PRKN: variants seen among roughly 807,000 people sequenced by gnomAD.
The protein encoded by PRKN is E3 ubiquitin-protein ligase parkin.
A neutral mutation model predicts 59.5 loss-of-function variants in PRKN; 56 were observed. The observed-to-expected ratio is 0.94, with a 90% CI of 0.76 to 1.18. PRKN has a LOEUF of 1.18. Among genes scored for constraint, PRKN ranks in the 50% most tolerant of loss-of-function variants. The pLI is 0.00. For missense variants in PRKN, 657 were observed against 596.4 expected (o/e 1.10, Z -1.06); for synonymous variants, 250 against 222.1 (o/e 1.13, Z -1.12).
intron 1 of PRKN, among the ~76,000 whole-genome samples, chr6:162,578,557 T>A (rs1283645893): frequency 6.6e-6 from 1 of 152,218 alleles, no homozygotes; most frequent in Non-Finnish European, 1.5e-5. Context: ...GAAAATTGTA[T>A]ATAGAACAGG....
chr6:162,519,903 T>C (rs1463007889), intron 1 of PRKN, among the ~76,000 whole-genome samples: 1 of 152,198 alleles, frequency 6.6e-6, no homozygotes, highest in Non-Finnish European at 1.5e-5. Context: ...AATTGCATTC[T>C]GTGAATCAAT....
intron 2 of PRKN, among the ~76,000 whole-genome samples, chr6:162,359,073 A>ATATATATAT (rs201385403): frequency 7.8e-5 from 7 of 89,728 alleles, no homozygotes; most frequent in African/African-American, 2.4e-4. Context: ...AAAAAAAAAA[A>ATATATATAT]AAAAAAATAT....
chr6:162,502,003 A>G (rs1793398260), intron 1 of PRKN, among the ~76,000 whole-genome samples: 1 of 152,238 alleles, frequency 6.6e-6, no homozygotes, highest in Non-Finnish European at 1.5e-5. Flanking sequence ...CTATCTAGAA[A>G]GAATGGCAAA....
chr6:162,585,609 A>T (rs1183506369), intron 1 of PRKN, among the ~76,000 whole-genome samples: 5 of 152,230 alleles, frequency 3.3e-5, no homozygotes, highest in Non-Finnish European at 7.3e-5. Flanking sequence ...TAAAAGATAT[A>T]AAAAATGCTC....
intron 2 of PRKN, among the ~76,000 whole-genome samples, chr6:162,386,811 T>C (rs1006167937): frequency 6.6e-6 from 1 of 152,232 alleles, no homozygotes; most frequent in African/African-American, 2.4e-5. Flanking sequence ...TAAAATATGA[T>C]TTTATAGTTT....
At chr6:162,721,646 C>T (rs1206690693) in intron 1 of PRKN, among the ~76,000 whole-genome samples, 5 of 152,188 alleles carry the variant, frequency 3.3e-5, no homozygotes, top group African/African-American at 1.2e-4. Flanking sequence ...GCTGAGTTTT[C>T]CAGTACTTCC....
At chr6:161,449,222 A>G (rs758623730) in intron 9 of PRKN, among the ~76,000 whole-genome samples, 3 of 152,198 alleles carry the variant, frequency 2.0e-5, no homozygotes, top group Non-Finnish European at 4.4e-5. Flanking sequence ...CGGTTTCAAA[A>G]TCTGATATTG....
intron 2 of PRKN, among the ~76,000 whole-genome samples, chr6:162,407,512 TCAAA>T (rs940154845): frequency 6.6e-6 from 1 of 152,174 alleles, no homozygotes; most frequent in Non-Finnish European, 1.5e-5. Context: ...CCCATTAAAA[TCAAA>T]CAACCAGTAG....
chr6:161,608,502 T>C (rs1396508833), intron 7 of PRKN, among the ~76,000 whole-genome samples: 1 of 151,818 alleles, frequency 6.6e-6, no homozygotes, highest in Non-Finnish European at 1.5e-5. Flanking sequence ...AAAATTAAAG[T>C]AAGAAAAAAA....
rs79182643 is a variant in PRKN, at chr6:161,442,554, G to C, written c.1084-55677C>G. Among the ~76,000 whole-genome samples the C allele has an allele frequency of 6.3e-3, 960 of 152,306 alleles. 13 individuals carry two copies. The highest frequency in any genetic ancestry group is 0.056 in the East Asian group (289 of 5,176). On this transcript the variant is annotated intron_variant, in intron 9 of 11. Transcript: ENST00000366898. The surrounding 1 kb of genome is among the most constrained non-coding windows in gnomAD (Gnocchi z 4.6). ...ACAAGAAGGCACTGAATAGCGTGCC[G>C]TTCCGCACCACCAAGCGGAAGGGCA...
chr6:161,696,696 A>G (rs1010931982), intron 7 of PRKN, among the ~76,000 whole-genome samples: 2 of 152,168 alleles, frequency 1.3e-5, no homozygotes, highest in Admixed American at 6.5e-5. Context: ...ATCTAATTCT[A>G]CCCTCTTACA....
At chr6:161,635,522 A>G (rs1487746219) in intron 7 of PRKN, among the ~76,000 whole-genome samples, 1 of 152,232 alleles carries the variant, frequency 6.6e-6, no homozygotes, top group East Asian at 1.9e-4. Flanking sequence ...GGCAATCTCT[A>G]TTACAAGGAC....
chr6:162,047,895 TAA>T (rs10558521), intron 5 of PRKN, among the ~76,000 whole-genome samples: 31,992 of 151,972 alleles, frequency 0.21, 4,888 homozygotes, highest in African/African-American at 0.44. Context: ...ATACTGAGCC[TAA>T]GAGGGGGAAA....
chr6:161,877,683 T>G (rs1000323620), intron 6 of PRKN, among the ~76,000 whole-genome samples: 1 of 151,972 alleles, frequency 6.6e-6, no homozygotes, highest in Non-Finnish European at 1.5e-5. Context: ...TTAGCCAGGA[T>G]GGTCTTGATC....
intron 5 of PRKN, among the ~76,000 whole-genome samples, chr6:162,027,904 G>A (rs1390875902): frequency 6.6e-6 from 1 of 151,774 alleles, no homozygotes; most frequent in African/African-American, 2.4e-5. Flanking sequence ...AGGAGGAATA[G>A]ATTAATTACA....
chr6:161,413,866 CAG>C lies in PRKN; in HGVS notation c.1084-26991_1084-26990del, dbSNP rs1787708013. 1.3e-5 allele frequency among the ~76,000 whole-genome samples: 2 copies of C among 152,262 alleles called. No homozygotes were observed. Among genetic ancestry groups the C allele is most frequent in the East Asian group, 3.9e-4 (2 of 5,172 alleles). ...ACAGGGAGCATTTACAGCATGAAGT[CAG>C]GCAGGGTGAGCCTCACCCAGCTGCT... On this transcript the variant is annotated intron_variant, in intron 9 of 11. Transcript: ENST00000366898. The surrounding 1 kb of genome is among the most constrained non-coding windows in gnomAD (Gnocchi z 4.4).
intron 7 of PRKN, among the ~76,000 whole-genome samples, chr6:161,731,933 CT>C (rs886861286): frequency 2.6e-4 from 40 of 151,784 alleles, no homozygotes; most frequent in Non-Finnish European, 8.8e-5. Context: ...ATTACATTTA[CT>C]TTTTTTGGTA....
chr6:162,620,985 T>C (rs1457421335), intron 1 of PRKN, among the ~76,000 whole-genome samples: 1 of 152,246 alleles, frequency 6.6e-6, no homozygotes, highest in African/African-American at 2.4e-5. Context: ...TCCAGTGTTG[T>C]TGATGGAAAA....
chr6:161,470,327 C>T lies in PRKN; in HGVS notation c.1083+78527G>A, dbSNP rs1053235151. On this transcript the variant is annotated intron_variant, in intron 9 of 11. Transcript: ENST00000366898. This position sits in a 1 kb window ranked among gnomAD's most constrained non-coding sequence, Gnocchi z 5.1. ...CACTCATCTAAATCTTCATTCCCCT[C>T]TTCAACGGCTCTACCCAGTGCTCAT... Among the ~76,000 whole-genome samples, 1 of 152,168 alleles carries T rather than the reference C, an allele frequency of 6.6e-6. No individual in the cohort carries two copies. The highest frequency in any genetic ancestry group is 1.5e-5 in the Non-Finnish European group (1 of 68,006).
Sources: allele counts gnomAD v4.1 joint callset (sites outside exome capture counted in the v4.1 genomes callset), GRCh38; gene constraint gnomAD v4.1.1; non-coding constraint Gnocchi (gnomAD v3.1); transcripts MANE v1.5; gene names NCBI Gene and HGNC (gene_info 2026-07-23, HGNC 2026-07-21).